The following ELK3 variants were observed in gnomAD, a reference collection of about 807,000 sequenced individuals.
ELK3 encodes the protein ETS transcription factor ELK3.
A neutral mutation model predicts 28.9 loss-of-function variants in ELK3; 10 were observed. The observed-to-expected ratio is 0.35, with a 90% confidence interval of 0.21 to 0.59. ELK3 has a LOEUF of 0.59. Among genes scored for constraint, ELK3 ranks in the 20% least tolerant of loss-of-function variants. ELK3 has a pLI of 0.82. For missense variants in ELK3, 463 were observed against 517.3 expected (o/e 0.90, Z 1.02); for synonymous variants, 272 against 243.5 (o/e 1.12, Z -1.09).
chr12:96,197,304 A>G (rs1451711747), intron 1 of ELK3, among the ~76,000 whole-genome samples: 2 of 152,158 alleles, frequency 1.3e-5, no homozygotes, highest in Non-Finnish European at 2.9e-5. Context: ...AAGGGGGTGC[A>G]TTGGCTTCTG....
At chr12:96,265,647 C>T (rs531002098) in intron 4 of ELK3, among the ~76,000 whole-genome samples, 30 of 152,034 alleles carry the variant, frequency 2.0e-4, no homozygotes, top group African/African-American at 7.0e-4. Flanking sequence ...TCACTATGCT[C>T]CAGCCTGGGT....
At chr12:96,209,767 G>C (rs1464114642) in intron 1 of ELK3, among the ~76,000 whole-genome samples, 1 of 152,122 alleles carries the variant, frequency 6.6e-6, no homozygotes, top group African/African-American at 2.4e-5. Flanking sequence ...CTGATCAAAA[G>C]GATTACATAT....
intron 2 of ELK3, among the ~76,000 whole-genome samples, chr12:96,229,602 G>C (rs1255722544): frequency 1.5e-5 from 2 of 135,172 alleles, no homozygotes; most frequent in African/African-American, 2.8e-5. Flanking sequence ...CATGGTCTCA[G>C]CTCACTGCAA....
At chr12:96,228,245 C>T (rs1440862200) in intron 2 of ELK3, among the ~76,000 whole-genome samples, 1 of 143,030 alleles carries the variant, frequency 7.0e-6, no homozygotes, top group Admixed American at 7.4e-5. Context: ...TGGTGAAACC[C>T]CGTCTCTACT....
At chr12:96,199,480 C>CTGTGTGTGTG (rs10678770) in intron 1 of ELK3, among the ~76,000 whole-genome samples, 329 of 146,468 alleles carry the variant, frequency 2.2e-3, no homozygotes, top group African/African-American at 6.2e-3. Flanking sequence ...ATAAAATTAG[C>CTGTGTGTGTG]TGTGTGTGTG....
chr12:96,242,181 G>A (rs1951826333), intron 2 of ELK3, among the ~76,000 whole-genome samples: 1 of 152,164 alleles, frequency 6.6e-6, no homozygotes, highest in Admixed American at 6.5e-5. Flanking sequence ...CATAATAAGA[G>A]CCCTTACCCA....
At chr12:96,266,791 A>C (rs1346528605) in intron 4 of ELK3, among the ~76,000 whole-genome samples, 1 of 152,220 alleles carries the variant, frequency 6.6e-6, no homozygotes, top group Non-Finnish European at 1.5e-5. Flanking sequence ...ACTTTTAAAA[A>C]ATAGTGTTAG....
At position 96,244,981 on chromosome 12, in the gene ELK3, C is replaced by A. The variant is rs200108621; in HGVS notation, c.208-1959C>A. Reference sequence around the variant, plus strand: ...TGTGAGGTCGCTGGCGTAAATGAGACCCCGCGGGTTAAGTTGCAGGTGGGA... The same window carrying A: ...TGTGAGGTCGCTGGCGTAAATGAGAACCCGCGGGTTAAGTTGCAGGTGGGA... On this transcript the variant is annotated intron_variant, in intron 2 of 4. Transcript: ENST00000228741. 1.3e-4 allele frequency among the ~76,000 whole-genome samples: 20 copies of A among 152,188 alleles called. No individual in the cohort carries two copies. The East Asian group carries it at 3.9e-3, about 29-fold the overall frequency.
intron 1 of ELK3, among the ~76,000 whole-genome samples, chr12:96,215,006 C>G (rs1486668027): frequency 2.0e-5 from 3 of 151,984 alleles, no homozygotes. Flanking sequence ...TCTAACCATG[C>G]AAAATTTAAC....
intron 2 of ELK3, among the ~76,000 whole-genome samples, chr12:96,237,270 T>A (rs1397623040): frequency 6.6e-6 from 1 of 152,200 alleles, no homozygotes; most frequent in Non-Finnish European, 1.5e-5. Context: ...AGGAGCCCTT[T>A]CATAAGATGC....
intron 2 of ELK3, 93 bp from the exon 3 acceptor site, chr12:96,246,847 G>A (rs1313422507): frequency 5.3e-6 from 7 of 1,310,482 alleles, no homozygotes; most frequent in Non-Finnish European, 1.0e-6. Context: ...GAACATTTTG[G>A]TGCTTCTGCC....
chr12:96,230,128 C>T (rs927451288), intron 2 of ELK3, among the ~76,000 whole-genome samples: 2 of 152,104 alleles, frequency 1.3e-5, no homozygotes, highest in African/African-American at 4.8e-5. Context: ...CGTTTAGATA[C>T]GTTGAGATAC....
At chr12:96,265,086 T>A (rs1952020311) in intron 4 of ELK3, among the ~76,000 whole-genome samples, 2 of 152,024 alleles carry the variant, frequency 1.3e-5, no homozygotes, top group African/African-American at 4.8e-5. Flanking sequence ...GTTGGAGATG[T>A]CTAAAATGGA....
At chr12:96,232,173 T>G (rs1289359930) in intron 2 of ELK3, among the ~76,000 whole-genome samples, 1 of 152,110 alleles carries the variant, frequency 6.6e-6, no homozygotes, top group Non-Finnish European at 1.5e-5. Flanking sequence ...AAGCACAGAG[T>G]ATCTTGGGAG....
chr12:96,219,730 C>T (rs888984621), intron 1 of ELK3, among the ~76,000 whole-genome samples: 6 of 152,078 alleles, frequency 3.9e-5, no homozygotes, highest in South Asian at 2.1e-4. Context: ...GACTTCTGAG[C>T]GTAGACAGGA....
chr12:96,263,326 A>G (rs188294816), intron 4 of ELK3, among the ~76,000 whole-genome samples: 2 of 152,328 alleles, frequency 1.3e-5, no homozygotes, highest in South Asian at 2.1e-4. Context: ...AAGAACCTTG[A>G]TTTATATAAA....
At chr12:96,196,819 G>C (rs1951472682) in intron 1 of ELK3, among the ~76,000 whole-genome samples, 1 of 149,176 alleles carries the variant, frequency 6.7e-6, no homozygotes, top group Non-Finnish European at 1.5e-5. Context: ...GGGTCAAAAG[G>C]AACCTGATTG....
At chr12:96,259,097 T>C (rs1951973423) in intron 3 of ELK3, among the ~76,000 whole-genome samples, 1 of 152,224 alleles carries the variant, frequency 6.6e-6, no homozygotes, top group Non-Finnish European at 1.5e-5. Context: ...CCTATTTTGT[T>C]TGTATACTAA....
chr12:96,224,788 G>T (rs1024821130), intron 2 of ELK3, among the ~76,000 whole-genome samples: 1 of 152,180 alleles, frequency 6.6e-6, no homozygotes, highest in African/African-American at 2.4e-5. Flanking sequence ...CATGATAATG[G>T]TAAGCTTTTG....
Sources: allele counts gnomAD v4.1 joint callset (sites outside exome capture counted in the v4.1 genomes callset), GRCh38; gene constraint gnomAD v4.1.1; transcripts MANE v1.5; gene names NCBI Gene and HGNC (gene_info 2026-07-23, HGNC 2026-07-21).